The following ZNF704 variants were observed in gnomAD, a reference collection of about 807,000 sequenced individuals.
ZNF704 encodes zinc finger protein 704, also known as glucocorticoid induced gene 1.
A neutral mutation model predicts 44.7 loss-of-function variants in ZNF704; 10 were observed. The observed-to-expected ratio is 0.22, with a 90% CI of 0.14 to 0.38. The LOEUF (loss-of-function observed/expected upper bound fraction) is 0.38, where lower values mean the gene tolerates loss of function less well. Among genes scored for constraint, ZNF704 ranks in the 10% least tolerant of loss-of-function variants. ZNF704 has a pLI of 1.00. For missense variants in ZNF704, 390 were observed against 545.5 expected, an observed-to-expected ratio of 0.71 and a Z score of 2.84; for synonymous variants, 211 against 207.6, an observed-to-expected ratio of 1.02 and a Z score of -0.14.
chr8:80,828,804 T>C (rs761347013), intron 1 of ZNF704, among the ~76,000 whole-genome samples: 4 of 152,208 alleles, frequency 2.6e-5, no homozygotes, highest in Non-Finnish European at 4.4e-5. Flanking sequence ...CTGAAATACA[T>C]GCATGCTGAA....
intron 7 of ZNF704, among the ~76,000 whole-genome samples, chr8:80,659,048 T>C (rs1357423259): frequency 6.6e-6 from 1 of 152,244 alleles, no homozygotes; most frequent in Non-Finnish European, 1.5e-5. Context: ...AATCATTTAA[T>C]ATGTCAAATC....
intron 2 of ZNF704, among the ~76,000 whole-genome samples, chr8:80,818,980 T>A (rs1371172753): frequency 6.6e-6 from 1 of 152,130 alleles, no homozygotes; most frequent in Non-Finnish European, 1.5e-5. Context: ...TCCCTCATCA[T>A]CATTTTTTTT....
intron 2 of ZNF704, among the ~76,000 whole-genome samples, chr8:80,714,213 T>A (rs144789697): frequency 6.6e-6 from 1 of 152,350 alleles, no homozygotes; most frequent in Non-Finnish European, 1.5e-5. Context: ...TTCCTGACTC[T>A]TGATCATCTC....
At chr8:80,870,725 C>A (rs1809237408) in intron 1 of ZNF704, among the ~76,000 whole-genome samples, 1 of 152,108 alleles carries the variant, frequency 6.6e-6, no homozygotes, top group Non-Finnish European at 1.5e-5. Context: ...AGGCTCTCCT[C>A]TCTTGGCCCC....
At chr8:80,818,526 T>C (rs1808213899) in intron 2 of ZNF704, among the ~76,000 whole-genome samples, 1 of 152,170 alleles carries the variant, frequency 6.6e-6, no homozygotes. Flanking sequence ...GGATTACTTA[T>C]AATATCTAAT....
At chr8:80,836,678 G>A (rs1215396490) in intron 1 of ZNF704, among the ~76,000 whole-genome samples, 2 of 152,070 alleles carry the variant, frequency 1.3e-5, no homozygotes, top group Non-Finnish European at 2.9e-5. Flanking sequence ...CCAGCTACTC[G>A]GGAGGCTGAG....
intron 2 of ZNF704, among the ~76,000 whole-genome samples, chr8:80,751,341 T>A (rs1336832138): frequency 1.3e-5 from 2 of 152,174 alleles, no homozygotes; most frequent in African/African-American, 4.8e-5. Flanking sequence ...ATAGACTGGA[T>A]CTTGGTTTCT....
intron 2 of ZNF704, among the ~76,000 whole-genome samples, chr8:80,711,806 T>C (rs1191912407): frequency 6.6e-6 from 1 of 152,202 alleles, no homozygotes; most frequent in Non-Finnish European, 1.5e-5. Context: ...ATTTTGAGGA[T>C]GTAAATATGC....
chr8:80,846,313 C>T (rs1468199941), intron 1 of ZNF704, among the ~76,000 whole-genome samples: 1 of 152,052 alleles, frequency 6.6e-6, no homozygotes, highest in Non-Finnish European at 1.5e-5. Context: ...AACCTTAAGA[C>T]ATAATTGATA....
chr8:80,697,375 GT>G (rs1309365786), intron 2 of ZNF704, among the ~76,000 whole-genome samples: 1 of 152,198 alleles, frequency 6.6e-6, no homozygotes, highest in Non-Finnish European at 1.5e-5. Flanking sequence ...CTATTCAGCT[GT>G]TTTTAGTAAA....
At chr8:80,648,516 G>C (rs947906789) in intron 7 of ZNF704, among the ~76,000 whole-genome samples, 3 of 152,192 alleles carry the variant, frequency 2.0e-5, no homozygotes, top group East Asian at 3.9e-4. Flanking sequence ...CAGTGCTTGC[G>C]AATGTGAAAG....
intron 2 of ZNF704, among the ~76,000 whole-genome samples, chr8:80,696,512 G>A (rs1818727439): frequency 6.6e-6 from 1 of 152,122 alleles, no homozygotes; most frequent in African/African-American, 2.4e-5. Flanking sequence ...CCACCTCCCG[G>A]GTTCAAGCGA....
chr8:80,789,586 A>G (rs972608388), intron 2 of ZNF704, among the ~76,000 whole-genome samples: 8 of 152,130 alleles, frequency 5.3e-5, no homozygotes, highest in African/African-American at 9.7e-5. Context: ...TGTCTCTACA[A>G]AATTGTTTTT....
At chr8:80,856,808 C>T (rs926950137) in intron 1 of ZNF704, among the ~76,000 whole-genome samples, 1 of 152,116 alleles carries the variant, frequency 6.6e-6, no homozygotes, top group South Asian at 2.1e-4. Context: ...TTTGGTCTTG[C>T]TTTTCAAAAT....
At chr8:80,830,862 A>T (rs1218735884) in intron 1 of ZNF704, among the ~76,000 whole-genome samples, 4 of 150,266 alleles carry the variant, frequency 2.7e-5, no homozygotes, top group Non-Finnish European at 5.9e-5. Flanking sequence ...GGTTCAAGCA[A>T]TTCTCCTGCC....
chr8:80,792,903 G>A (rs1201372116), intron 2 of ZNF704, among the ~76,000 whole-genome samples: 1 of 152,180 alleles, frequency 6.6e-6, no homozygotes, highest in Non-Finnish European at 1.5e-5. Flanking sequence ...TGAAGCGGAG[G>A]ACCCAGCTAA....
chr8:80,780,647 G>A (rs570809353), intron 2 of ZNF704, among the ~76,000 whole-genome samples: 10 of 152,250 alleles, frequency 6.6e-5, no homozygotes, highest in Admixed American at 6.5e-4. Flanking sequence ...AAGATTTGAG[G>A]CAGATGAAAA....
At chr8:80,697,113 A>G (rs955453003) in intron 2 of ZNF704, among the ~76,000 whole-genome samples, 1 of 152,198 alleles carries the variant, frequency 6.6e-6, no homozygotes, top group African/African-American at 2.4e-5. Context: ...ACATCAAGGA[A>G]GGGAAGCCGG....
intron 2 of ZNF704, among the ~76,000 whole-genome samples, chr8:80,782,429 T>A (rs781049258): frequency 6.6e-6 from 1 of 152,192 alleles, no homozygotes; most frequent in Non-Finnish European, 1.5e-5. Context: ...TGTTTTTAAC[T>A]AGAGTCTCAA....
Sources: allele counts gnomAD v4.1 joint callset (sites outside exome capture counted in the v4.1 genomes callset), GRCh38; gene constraint gnomAD v4.1.1; transcripts MANE v1.5; gene names NCBI Gene and HGNC (gene_info 2026-07-23, HGNC 2026-07-21).